FGF12: variants seen among roughly 807,000 people sequenced by gnomAD.
FGF12 encodes the protein fibroblast growth factor 12, also known as fibroblast growth factor 12B.
A neutral mutation model predicts 23.6 loss-of-function variants in FGF12; 14 were observed. The ratio of observed to expected loss-of-function variants is 0.59; its 90% confidence interval spans 0.39 to 0.93. The LOEUF is 0.93. Among genes scored for constraint, FGF12 ranks in the 40% least tolerant of loss-of-function variants. The pLI is 0.00. For synonymous variants in FGF12, 62 were observed against 77.3 expected (o/e 0.80, Z 1.04); for missense variants, 175 against 217.8 (o/e 0.80, Z 1.24).
At chr3:192,695,128 TA>T (rs769085513) in intron 2 of FGF12, among the ~76,000 whole-genome samples, 2 of 152,136 alleles carry the variant, frequency 1.3e-5, no homozygotes, top group Non-Finnish European at 2.9e-5. Context: ...CATGTAACCT[TA>T]AATATATACA....
At chr3:192,310,324 T>C (rs1715868091) in intron 4 of FGF12, among the ~76,000 whole-genome samples, 1 of 152,200 alleles carries the variant, frequency 6.6e-6, no homozygotes, top group Non-Finnish European at 1.5e-5. Context: ...ATTAAGTGAT[T>C]TATCATAAAA....
chr3:192,635,481 T>C (rs763663598), intron 2 of FGF12, among the ~76,000 whole-genome samples: 10 of 152,198 alleles, frequency 6.6e-5, no homozygotes, highest in South Asian at 2.1e-4. Flanking sequence ...CTGGTAAAGC[T>C]TTGTTGATTT....
intron 5 of FGF12, among the ~76,000 whole-genome samples, chr3:192,148,411 C>G (rs1314546637): frequency 6.6e-6 from 1 of 152,098 alleles, no homozygotes; most frequent in Non-Finnish European, 1.5e-5. Context: ...GTCAAGTTCA[C>G]AGAGGCAAAA....
intron 2 of FGF12, among the ~76,000 whole-genome samples, chr3:192,648,054 A>G (rs1716079576): frequency 6.6e-6 from 1 of 152,112 alleles, no homozygotes; most frequent in Non-Finnish European, 1.5e-5. Context: ...TGGAAAAGTA[A>G]GGCCACTTTA....
chr3:192,535,479 G>A (rs1011713444), intron 2 of FGF12, among the ~76,000 whole-genome samples: 3 of 152,180 alleles, frequency 2.0e-5, no homozygotes, highest in African/African-American at 4.8e-5. Flanking sequence ...TTAATCTGCA[G>A]AACAATGTGA....
At chr3:192,508,619 A>G (rs556596386) in intron 2 of FGF12, among the ~76,000 whole-genome samples, 1 of 152,358 alleles carries the variant, frequency 6.6e-6, no homozygotes, top group East Asian at 1.9e-4. Flanking sequence ...ACTTTGCAGG[A>G]TATCTGAATA....
At chr3:192,227,450 T>C (rs1379175118) in intron 4 of FGF12, among the ~76,000 whole-genome samples, 1 of 152,036 alleles carries the variant, frequency 6.6e-6, no homozygotes, top group Non-Finnish European at 1.5e-5. Flanking sequence ...ATCCGAAATG[T>C]ACCCTAAATG....
chr3:192,544,128 G>C (rs999742638), intron 2 of FGF12, among the ~76,000 whole-genome samples: 27 of 152,284 alleles, frequency 1.8e-4, no homozygotes, highest in African/African-American at 6.0e-4. Context: ...AGTTCTGCCT[G>C]GTGTTGCTGT....
chr3:192,239,722 A>T (rs916531774), intron 4 of FGF12, among the ~76,000 whole-genome samples: 1 of 152,214 alleles, frequency 6.6e-6, no homozygotes, highest in African/African-American at 2.4e-5. Context: ...CAATGCCTGT[A>T]AATCTGAGAT....
chr3:192,680,523 A>G (rs1391754518), intron 2 of FGF12, among the ~76,000 whole-genome samples: 2 of 152,168 alleles, frequency 1.3e-5, no homozygotes, highest in Non-Finnish European at 2.9e-5. Context: ...AAAGCCAAAG[A>G]GGTCAGACTG....
chr3:192,194,766 C>T (rs1716975671), intron 4 of FGF12, among the ~76,000 whole-genome samples: 2 of 152,062 alleles, frequency 1.3e-5, no homozygotes, highest in Admixed American at 1.3e-4. Flanking sequence ...TATAATAAGA[C>T]TTTTTAAATG....
chr3:192,338,521 C>A (rs1292356158), intron 3 of FGF12, among the ~76,000 whole-genome samples: 2 of 152,176 alleles, frequency 1.3e-5, no homozygotes, highest in Non-Finnish European at 2.9e-5. Flanking sequence ...TCCTTAAAGA[C>A]AGCATAAAGG....
intron 2 of FGF12, among the ~76,000 whole-genome samples, chr3:192,379,126 G>A (rs1235346640): frequency 1.3e-5 from 2 of 152,066 alleles, no homozygotes; most frequent in Non-Finnish European, 2.9e-5. Context: ...TGGTGTATAT[G>A]TACCACATTT....
chr3:192,195,630 C>G (rs1457026273), intron 4 of FGF12, among the ~76,000 whole-genome samples: 1 of 152,090 alleles, frequency 6.6e-6, no homozygotes, highest in Non-Finnish European at 1.5e-5. Flanking sequence ...AATGAACTTG[C>G]AATAATGACA....
chr3:192,657,128 T>C (rs1472011889), intron 2 of FGF12, among the ~76,000 whole-genome samples: 2 of 151,784 alleles, frequency 1.3e-5, no homozygotes, highest in Non-Finnish European at 2.9e-5. Flanking sequence ...TTTACATTCA[T>C]AAAGACAATA....
chr3:192,396,488 T>C (rs1720524031), intron 2 of FGF12, among the ~76,000 whole-genome samples: 1 of 152,250 alleles, frequency 6.6e-6, no homozygotes, highest in Non-Finnish European at 1.5e-5. Flanking sequence ...CAGTAAGGCA[T>C]AGGCTTATCG....
In FGF12 at chr3:192,607,936, G is replaced by A. The variant is rs191871873; in HGVS notation, c.13+119245C>T. Among the ~76,000 whole-genome samples the A allele has an allele frequency of 2.1e-4, 31 of 151,192 alleles. No homozygotes were observed. In the East Asian group the frequency reaches 3.1e-3, roughly 15 times the overall value. On this transcript the variant is annotated intron_variant, in intron 2 of 5. Coordinates refer to ENST00000445105, the MANE Select transcript of FGF12 (RefSeq NM_004113.6). ...CCAGTCCCTCTTCTGACTGAATTCC[G>A]CATCACAAAAACCCAGTTAGGAACA...
At chr3:192,553,357 A>G (rs1269251959) in intron 2 of FGF12, among the ~76,000 whole-genome samples, 1 of 152,166 alleles carries the variant, frequency 6.6e-6, no homozygotes, top group East Asian at 1.9e-4. Flanking sequence ...GGGTATAAAT[A>G]TAATTATAAT....
intron 4 of FGF12, among the ~76,000 whole-genome samples, chr3:192,273,991 T>C (rs527490630): frequency 1.3e-5 from 2 of 152,128 alleles, no homozygotes; most frequent in South Asian, 4.2e-4. Flanking sequence ...GCCAGATAAT[T>C]ATACAGGCTG....
Sources: gnomAD v4.1 joint callset for allele counts (sites outside exome capture counted in the v4.1 genomes callset) on GRCh38, gnomAD v4.1.1 for gene constraint, MANE v1.5 for transcripts, NCBI Gene and HGNC (gene_info 2026-07-23, HGNC 2026-07-21) for gene names.